The following ACSS3 variants were observed in gnomAD, a reference collection of about 807,000 sequenced individuals.
The protein encoded by ACSS3 is acyl-CoA synthetase short chain family member 3, also known as acyl-CoA synthetase short-chain family member 3, mitochondrial.
A neutral mutation model predicts 84.2 loss-of-function variants in ACSS3; 64 were observed. The ratio of observed to expected loss-of-function variants is 0.76; its 90% CI spans 0.62 to 0.94. The LOEUF (loss-of-function observed/expected upper bound fraction) is 0.94, where lower values mean the gene tolerates loss of function less well. ACSS3 is among the 40% of genes least tolerant of loss of function. ACSS3 has a pLI of 0.00. For synonymous variants in ACSS3, 317 were observed against 310.1 expected (o/e 1.02, Z -0.23); for missense variants, 815 against 867.6 (o/e 0.94, Z 0.76).
At chr12:81,132,464 CGGT>C (rs1049650119) in intron 2 of ACSS3, among the ~76,000 whole-genome samples, 124 of 152,124 alleles carry the variant, frequency 8.2e-4, no homozygotes, top group African/African-American at 2.9e-3. Flanking sequence ...TCTGTGGGAT[CGGT>C]GGTGATATCC....
rs183430389 is a variant in ACSS3 at position 81,195,108 on chromosome 12, C to A, written c.1251-4233C>A. ...GGCATTGGAAATGTGATATTAAGAC[C>A]TGTAGAATTATTCGTTTTGGTTGCT... On this transcript the variant is annotated intron_variant, in intron 8 of 15. Coordinates refer to ENST00000548058, the MANE Select transcript of ACSS3 (RefSeq NM_024560.4). 2.1e-3 allele frequency among the ~76,000 whole-genome samples: 323 copies of A among 152,062 alleles called. 1 individual carries two copies. The highest frequency in any genetic ancestry group is 7.1e-3 in the African/African-American group (294 of 41,534).
intron 9 of ACSS3, among the ~76,000 whole-genome samples, chr12:81,214,529 A>G (rs1209679685): frequency 6.6e-6 from 1 of 152,214 alleles, no homozygotes; most frequent in African/African-American, 2.4e-5. Context: ...TATAATCATA[A>G]TGTATAAAAA....
rs1163788868 is a variant in ACSS3 at position 81,258,468 on chromosome 12, T to C, written c.*3546T>C. On this transcript the variant is annotated 3_prime_UTR_variant, in exon 16 of 16. Coordinates refer to ENST00000548058, the MANE Select transcript of ACSS3 (RefSeq NM_024560.4). Reference sequence around the variant, plus strand: ...AGCAGAAAATCAGCAGTTAGATAAATGGTATTATTAAATAGGCTTTACTTT... The same window carrying C: ...AGCAGAAAATCAGCAGTTAGATAAACGGTATTATTAAATAGGCTTTACTTT... 1 of 152,114 alleles carries C rather than the reference T, an allele frequency of 6.6e-6. No individual in the cohort carries two copies. The highest frequency in any genetic ancestry group is 1.5e-5 in the Non-Finnish European group (1 of 68,018). The allele number at this position is 152,114 out of a possible 1,614,324, so 9.4% of individuals were successfully genotyped here.
intron 7 of ACSS3, among the ~76,000 whole-genome samples, chr12:81,164,188 T>G (rs902952453): frequency 6.6e-6 from 1 of 152,212 alleles, no homozygotes; most frequent in Non-Finnish European, 1.5e-5. Flanking sequence ...TATTTTTCTA[T>G]GCTTAAACAT....
chr12:81,172,559 C>A (rs1241039267), intron 7 of ACSS3, among the ~76,000 whole-genome samples: 1 of 151,994 alleles, frequency 6.6e-6, no homozygotes, highest in Non-Finnish European at 1.5e-5. Flanking sequence ...TTGCTTCAAC[C>A]CAGGAGGTCG....
intron 1 of ACSS3, among the ~76,000 whole-genome samples, chr12:81,082,493 G>A (rs971734864): frequency 1.3e-5 from 2 of 152,078 alleles, no homozygotes; most frequent in Non-Finnish European, 2.9e-5. Flanking sequence ...AAGTGGGGAG[G>A]AACATTCCAG....
chr12:81,108,718 A>G (rs1411711219), intron 1 of ACSS3, among the ~76,000 whole-genome samples: 1 of 152,138 alleles, frequency 6.6e-6, no homozygotes, highest in Admixed American at 6.5e-5. Context: ...TTACTTCAAT[A>G]TATTTTCCTG....
intron 13 of ACSS3, among the ~76,000 whole-genome samples, chr12:81,247,900 T>G (rs1416524199): frequency 1.3e-5 from 2 of 152,106 alleles, no homozygotes; most frequent in Non-Finnish European, 2.9e-5. Flanking sequence ...AATTGAGGTC[T>G]TAATCCAATG....
At chr12:81,207,848 G>A (rs1338273942) in intron 9 of ACSS3, among the ~76,000 whole-genome samples, 1 of 152,040 alleles carries the variant, frequency 6.6e-6, no homozygotes, top group Non-Finnish European at 1.5e-5. Context: ...TTAAACACAA[G>A]GTTATTTATG....
At chr12:81,246,574 TCTGA>T (rs981031937) in intron 13 of ACSS3, among the ~76,000 whole-genome samples, 2 of 152,218 alleles carry the variant, frequency 1.3e-5, no homozygotes, top group Admixed American at 1.3e-4. Context: ...GTTCTTATGT[TCTGA>T]CTGAGTCTAC....
rs1410079656 is a variant in ACSS3, at chr12:81,256,037, A to G, written c.*1115A>G. On this transcript the variant is annotated 3_prime_UTR_variant, in exon 16 of 16. Transcript: ENST00000548058. ...ACATCAAGGTTTTCACATTAGGTTA[A>G]AGACAAGAAGGTTTCTAGGCAGGTA... 2 of 152,206 alleles carry G rather than the reference A, an allele frequency of 1.3e-5. No homozygotes were observed. The highest frequency in any genetic ancestry group is 2.9e-5 in the Non-Finnish European group (2 of 68,032). 9.4% of individuals were successfully genotyped at this position (152,206 alleles called of 1,614,324 possible). A position where few individuals can be genotyped will look rare whatever the true frequency, so the allele number is the denominator to read the frequency against.
chr12:81,098,597 T>C (rs1033312891), intron 1 of ACSS3, among the ~76,000 whole-genome samples: 2 of 152,210 alleles, frequency 1.3e-5, no homozygotes, highest in African/African-American at 4.8e-5. Context: ...AGTTAATTTG[T>C]GTTAAATGCT....
In ACSS3 at chr12:81,209,304, T is replaced by A. The variant is rs117476621; in HGVS notation, c.1355-7597T>A. ...ATGTTTTTTGTTAACTACATGCACT[T>A]TTTTTTTGAGACTTGCACTAAATCT... On this transcript the variant is annotated intron_variant, in intron 9 of 15. Transcript: ENST00000548058. 5.1e-3 allele frequency among the ~76,000 whole-genome samples: 767 copies of A among 151,858 alleles called. 4 individuals carry two copies. The highest frequency in any genetic ancestry group is 8.6e-3 in the Non-Finnish European group (585 of 67,896).
chr12:81,244,905 CTGTGTG>C (rs146316314), intron 13 of ACSS3, among the ~76,000 whole-genome samples: 2 of 148,158 alleles, frequency 1.3e-5, no homozygotes, highest in Admixed American at 6.7e-5. Flanking sequence ...TCTATTCAAA[CTGTGTG>C]TGTGTGTGTG....
intron 13 of ACSS3, among the ~76,000 whole-genome samples, chr12:81,246,988 A>G (rs2034003955): frequency 6.6e-6 from 1 of 152,218 alleles, no homozygotes; most frequent in Non-Finnish European, 1.5e-5. Context: ...GTTCAAACTT[A>G]ACAGCTTAAT....
intron 13 of ACSS3, among the ~76,000 whole-genome samples, chr12:81,247,923 G>A (rs2034035249): frequency 6.6e-6 from 1 of 151,874 alleles, no homozygotes; most frequent in Non-Finnish European, 1.5e-5. Context: ...AGTTTTATTT[G>A]TAGAAAAAAA....
intron 8 of ACSS3, among the ~76,000 whole-genome samples, chr12:81,188,202 T>A (rs2031377403): frequency 6.6e-6 from 1 of 152,018 alleles, no homozygotes; most frequent in South Asian, 2.1e-4. Flanking sequence ...TCTGATAGGT[T>A]AGTAAATAAT....
At chr12:81,170,869 G>C (rs2029984112) in intron 7 of ACSS3, among the ~76,000 whole-genome samples, 1 of 152,042 alleles carries the variant, frequency 6.6e-6, no homozygotes, top group African/African-American at 2.4e-5. Flanking sequence ...TTGTCTATGT[G>C]TGTGTGCGTG....
At chr12:81,104,220 G>A (rs1882773336) in intron 1 of ACSS3, among the ~76,000 whole-genome samples, 2 of 151,902 alleles carry the variant, frequency 1.3e-5, no homozygotes, top group South Asian at 4.2e-4. Context: ...CTTTCTTTTT[G>A]TAACCCACAC....
Sources: allele counts gnomAD v4.1 joint callset (sites outside exome capture counted in the v4.1 genomes callset), GRCh38; gene constraint gnomAD v4.1.1; transcripts MANE v1.5; gene names NCBI Gene and HGNC (gene_info 2026-07-23, HGNC 2026-07-21).